The following PCDHGA3 variants were observed in gnomAD, a reference collection of about 807,000 sequenced individuals.
The protein encoded by PCDHGA3 is protocadherin gamma-A3.
In PCDHGA3, 40 loss-of-function variants were observed where a neutral mutation model predicts 58.5. That is an observed-to-expected ratio of 0.68 (90% CI 0.53 to 0.89). PCDHGA3 has a LOEUF of 0.89. Ranked by LOEUF, PCDHGA3 falls within the 40% of genes least tolerant of loss-of-function variation. PCDHGA3 has a pLI of 0.00. For missense variants in PCDHGA3, 1,223 were observed against 1,195.9 expected (o/e 1.02, Z -0.33); for synonymous variants, 530 against 525.7 (o/e 1.01, Z -0.11).
Position 141,393,140 on chromosome 5 carries a change from G to A in PCDHGA3, c.2424+46683G>A, listed in dbSNP as rs756948310. The A allele has an allele frequency of 1.9e-6, 3 of 1,613,260 alleles. No individual in the cohort carries two copies. In the South Asian group the frequency reaches 3.3e-5, roughly 18 times the overall value. ...GGTGTCTGATAAATATTAACACCCT[G>A]GTTGAGGATAAAGGAAAACTCTTTG... On this transcript the variant is annotated intron_variant, in intron 1 of 3. Coordinates refer to ENST00000253812, the MANE Select transcript of PCDHGA3 (RefSeq NM_018916.4).
At position 141,421,915 on chromosome 5, in the gene PCDHGA3, C is replaced by T. The variant is rs751221129; in HGVS notation, c.2425-72892C>T. ...CATCCGAAAGGGCGCAGTTCCCATT[C>T]GTGTGGTGGTCCTCGATGTAAATGA... is the stretch of plus-strand genomic sequence containing the variant. On this transcript the variant is annotated intron_variant, in intron 1 of 3. Transcript: ENST00000253812. 18 of 1,613,504 alleles carry T rather than the reference C, an allele frequency of 1.1e-5. No individual in the cohort carries two copies. The South Asian group carries it at 1.5e-4, about 14-fold the overall frequency.
intron 1 of PCDHGA3, among the ~76,000 whole-genome samples, chr5:141,458,380 G>T (rs1592559992): frequency 6.6e-6 from 1 of 152,136 alleles, no homozygotes; most frequent in African/African-American, 2.4e-5. Flanking sequence ...AAGAGAGAAG[G>T]AAGACGCTCC....
At chr5:141,396,891 A>G (rs1216083648) in intron 1 of PCDHGA3, among the ~76,000 whole-genome samples, 1 of 152,228 alleles carries the variant, frequency 6.6e-6, no homozygotes, top group Non-Finnish European at 1.5e-5. Flanking sequence ...AGAGGACAAC[A>G]TATTATTGGC....
At chr5:141,370,662 A>G (rs1325799428) in intron 1 of PCDHGA3, 1 of 1,613,896 alleles carries the variant, frequency 6.2e-7, no homozygotes, top group South Asian at 1.1e-5. Flanking sequence ...GAGCGACCGT[A>G]TAGACCGAGA....
rs149653507 is a variant in PCDHGA3 at position 141,469,869 on chromosome 5, G to A, written c.2425-24938G>A. Among the ~76,000 whole-genome samples, 591 of 152,290 alleles carry A rather than the reference G, an allele frequency of 3.9e-3. 6 individuals are homozygous for A. Among genetic ancestry groups the A allele is most frequent in the Admixed American group, 0.011 (171 of 15,304 alleles). On this transcript the variant is annotated intron_variant, in intron 1 of 3. Transcript: ENST00000253812. ...ATTCAGACCGGGTGCAATGGCTCACGCCTGTAATCTCGGCACTTTGGGAAG... is the reference window on the plus strand; with the variant it reads ...ATTCAGACCGGGTGCAATGGCTCACACCTGTAATCTCGGCACTTTGGGAAG...
intron 1 of PCDHGA3, among the ~76,000 whole-genome samples, chr5:141,481,782 T>C (rs1348977678): frequency 6.6e-6 from 1 of 152,008 alleles, no homozygotes; most frequent in African/African-American, 2.4e-5. Context: ...TGAAACCCCG[T>C]CTCTACTAAA....
At position 141,511,574 on chromosome 5, in the gene PCDHGA3, GT is replaced by G. The variant is rs1158598698; in HGVS notation, c.*403del. ...CAGTTCCTCTTTCCCGAGTAAGGTG[GT>G]TGGGGTGTTGAAGTACCAAGTAACC... On this transcript the variant is annotated 3_prime_UTR_variant, in exon 4 of 4. Coordinates refer to ENST00000253812, the MANE Select transcript of PCDHGA3 (RefSeq NM_018916.4). 3.5e-6 allele frequency: 1 copy of G among 287,556 alleles called. No individual in the cohort carries two copies. The highest frequency in any genetic ancestry group is 2.2e-5 in the African/African-American group (1 of 46,340). 17.8% of individuals were successfully genotyped at this position (287,556 alleles called of 1,614,324 possible).
chr5:141,432,128 T>C lies in PCDHGA3; in HGVS notation c.2425-62679T>C. 3 of 1,614,080 alleles carry C rather than the reference T, an allele frequency of 1.9e-6. No homozygotes were observed. Among genetic ancestry groups the C allele is most frequent in the Non-Finnish European group, 2.5e-6 (3 of 1,180,016 alleles). On this transcript the variant is annotated intron_variant, in intron 1 of 3. Coordinates refer to ENST00000253812, the MANE Select transcript of PCDHGA3 (RefSeq NM_018916.4). This position sits in a 1 kb window ranked among gnomAD's most constrained non-coding sequence, Gnocchi z 6.0. ...CCCGCCGGTCTTCCCTCAGGCCTCC[T>C]ATTCCGCTTATATCCCAGAGAACAA... is the stretch of plus-strand genomic sequence containing the variant.
intron 1 of PCDHGA3, among the ~76,000 whole-genome samples, chr5:141,380,346 GTTGT>G (rs1424822944): frequency 2.0e-5 from 3 of 152,066 alleles, no homozygotes; most frequent in Non-Finnish European, 2.9e-5. Context: ...GAACTGTTTT[GTTGT>G]TTGTTTTTTA....
intron 1 of PCDHGA3, among the ~76,000 whole-genome samples, chr5:141,462,160 A>T (rs575238638): frequency 4.6e-5 from 7 of 152,122 alleles, no homozygotes; most frequent in Non-Finnish European, 1.0e-4. Flanking sequence ...GGGTTTCATC[A>T]TGTTGGCCAG....
chr5:141,432,874 G>A lies in PCDHGA3; in HGVS notation c.2425-61933G>A, dbSNP rs2097545539. 2 of 1,614,176 alleles carry A rather than the reference G, an allele frequency of 1.2e-6. No homozygotes were observed. The highest frequency in any genetic ancestry group is 1.7e-6 in the Non-Finnish European group (2 of 1,180,014). Reference sequence around the variant, plus strand: ...TGGCCGCGGTCTCCTGCGTCTTCCTGGCCTTCGTCATCTTGCTGCTGGCGC... The same window carrying A: ...TGGCCGCGGTCTCCTGCGTCTTCCTAGCCTTCGTCATCTTGCTGCTGGCGC... On this transcript the variant is annotated intron_variant, in intron 1 of 3. Transcript: ENST00000253812. This position sits in a 1 kb window ranked among gnomAD's most constrained non-coding sequence, Gnocchi z 6.0.
chr5:141,370,575 T>C (rs764870172), intron 1 of PCDHGA3: 17 of 1,613,766 alleles, frequency 1.1e-5, no homozygotes, highest in Admixed American at 1.7e-5. Context: ...CGTGGGGGAT[T>C]TACCTACTAG....
chr5:141,434,440 T>C (rs1283641379), intron 1 of PCDHGA3, among the ~76,000 whole-genome samples: 2 of 152,238 alleles, frequency 1.3e-5, no homozygotes, highest in Non-Finnish European at 2.9e-5. Flanking sequence ...GTAATGCCCA[T>C]GCTGGAAGGT....
intron 1 of PCDHGA3, among the ~76,000 whole-genome samples, chr5:141,353,136 C>A (rs1301733599): frequency 6.6e-6 from 1 of 151,954 alleles, no homozygotes; most frequent in Admixed American, 6.6e-5. Context: ...GCTCAGTAGT[C>A]TTGGCAATTT....
At chr5:141,492,218 T>C (rs2099738354) in intron 1 of PCDHGA3, among the ~76,000 whole-genome samples, 1 of 152,114 alleles carries the variant, frequency 6.6e-6, no homozygotes. Flanking sequence ...GCGGGGCTCA[T>C]GCGTGTCCTC....
chr5:141,392,568 T>A (rs2092555063), intron 1 of PCDHGA3: 4 of 442,486 alleles, frequency 9.0e-6, no homozygotes, highest in Non-Finnish European at 1.2e-5. Context: ...CAGTAACTAT[T>A]TAGGACTGTA....
intron 1 of PCDHGA3, chr5:141,362,221 T>C: frequency 1.2e-6 from 2 of 1,614,044 alleles, no homozygotes; most frequent in Non-Finnish European, 1.7e-6. Context: ...GGTTGTGGCC[T>C]TGGCCTTGAT....
intron 1 of PCDHGA3, 48 bp from the exon 2 acceptor site, chr5:141,494,759 C>CT: frequency 6.2e-7 from 1 of 1,613,886 alleles, no homozygotes; most frequent in Non-Finnish European, 8.5e-7. Flanking sequence ...GGGTGACATT[C>CT]TAACTTCTCA....
At chr5:141,492,191 G>A (rs996614987) in intron 1 of PCDHGA3, among the ~76,000 whole-genome samples, 1 of 152,204 alleles carries the variant, frequency 6.6e-6, no homozygotes, top group African/African-American at 2.4e-5. Context: ...ACCTGTCTGC[G>A]GGACTTAGGT....
Sources: allele counts gnomAD v4.1 joint callset (sites outside exome capture counted in the v4.1 genomes callset), GRCh38; gene constraint gnomAD v4.1.1; non-coding constraint Gnocchi (gnomAD v3.1); transcripts MANE v1.5; gene names NCBI Gene and HGNC (gene_info 2026-07-23, HGNC 2026-07-21).